The following AMZ1 variants were observed in gnomAD, a reference collection of about 807,000 sequenced individuals.
AMZ1 encodes archaelysin family metallopeptidase 1, also known as archaemetzincin-1.
AMZ1 carries 39 observed loss-of-function variants against 29.9 expected under a neutral mutation model. The ratio of observed to expected loss-of-function variants is 1.30; its 90% CI spans 1.01 to 1.70. The LOEUF (loss-of-function observed/expected upper bound fraction) is 1.70, where lower values mean the gene tolerates loss of function less well. Ranked by LOEUF, AMZ1 falls within the 40% of genes most tolerant of loss-of-function variation. The pLI, the probability that AMZ1 is intolerant of heterozygous loss-of-function variation, is 0.00. For synonymous variants in AMZ1, 458 were observed against 304.0 expected, an observed-to-expected ratio of 1.51 and a Z score of -5.27; for missense variants, 1,041 against 680.6, an observed-to-expected ratio of 1.53 and a Z score of -5.89.
At chr7:2,709,845 G>A (rs745726066) in intron 6 of AMZ1, 29 bp downstream of exon 6, 2 of 1,606,556 alleles carry the variant, frequency 1.2e-6, no homozygotes, top group African/African-American at 2.7e-5. Context: ...CTGCCCGGCT[G>A]CTGGGACCTG....
At chr7:2,739,910 T>C (rs914044659) in intron 4 of AMZ1, among the ~76,000 whole-genome samples, 3 of 152,186 alleles carry the variant, frequency 2.0e-5, no homozygotes, top group Non-Finnish European at 4.4e-5. Context: ...TGACCTCCAG[T>C]GATCCGCCCG....
chr7:2,709,273 G>A (rs770470084), intron 5 of AMZ1, 29 bp downstream of exon 5: 1 of 1,478,342 alleles, frequency 6.8e-7, no homozygotes, highest in Non-Finnish European at 8.9e-7. Flanking sequence ...GCTGGTAAGA[G>A]GGGACAGGAG....
At chr7:2,695,529 C>G (rs948306731) in intron 1 of AMZ1, among the ~76,000 whole-genome samples, 5 of 148,886 alleles carry the variant, frequency 3.4e-5, no homozygotes, top group African/African-American at 1.0e-4. Flanking sequence ...CCAGCCTGGG[C>G]AACATAGTGA....
intron 4 of AMZ1, among the ~76,000 whole-genome samples, chr7:2,736,668 C>G (rs1481670652): frequency 6.6e-6 from 1 of 152,238 alleles, no homozygotes; most frequent in African/African-American, 2.4e-5. Context: ...GACCGCCTTT[C>G]TGCAGAGGCC....
intron 1 of AMZ1, among the ~76,000 whole-genome samples, chr7:2,696,941 G>A (rs1787782826): frequency 6.6e-6 from 1 of 152,080 alleles, no homozygotes; most frequent in African/African-American, 2.4e-5. Flanking sequence ...AAACTGGTGT[G>A]ATCTTTCTGC....
intron 4 of AMZ1, among the ~76,000 whole-genome samples, chr7:2,753,087 C>G (rs1393940417): frequency 6.6e-6 from 1 of 152,104 alleles, no homozygotes; most frequent in Admixed American, 6.5e-5. Context: ...AGTCACTGAT[C>G]TGTTTTCTGT....
chr7:2,729,182 T>G (rs112502260), intron 4 of AMZ1: 2 of 152,482 alleles, frequency 1.3e-5, no homozygotes, highest in African/African-American at 2.4e-5. Flanking sequence ...CCGCTTGCAC[T>G]TCCTCTGGGC....
In AMZ1 at chr7:2,692,411, G is replaced by C. The variant is rs538527543; in HGVS notation, c.-219+4115G>C. On this transcript the variant is annotated intron_variant, in intron 1 of 6. Coordinates refer to ENST00000683327, the MANE Select transcript of AMZ1 (RefSeq NM_001384743.1). ...AAAAAAATTAGCCGGGTGTGGTGGC[G>C]GGCGCCTTTAGTCCCAGCTATTCGG... is the stretch of plus-strand genomic sequence containing the variant. 2.0e-5 allele frequency among the ~76,000 whole-genome samples: 3 copies of C among 152,262 alleles called. No homozygotes were observed. The South Asian group carries it at 6.2e-4, about 32-fold the overall frequency.
intron 4 of AMZ1, among the ~76,000 whole-genome samples, chr7:2,748,391 C>G (rs1196161592): frequency 3.9e-5 from 6 of 152,152 alleles, no homozygotes; most frequent in Admixed American, 6.6e-5. Flanking sequence ...ACAAACCTGA[C>G]AGAAACAAGC....
chr7:2,753,167 A>ATTT (rs1483291519), intron 4 of AMZ1, among the ~76,000 whole-genome samples: 112 of 150,624 alleles, frequency 7.4e-4, no homozygotes, highest in African/African-American at 2.7e-3. Flanking sequence ...TTTTTTTTTA[A>ATTT]AAAAAGAGAC....
At chr7:2,689,043 C>T (rs1318683469) in intron 1 of AMZ1, among the ~76,000 whole-genome samples, 1 of 152,232 alleles carries the variant, frequency 6.6e-6, no homozygotes, top group Non-Finnish European at 1.5e-5. Context: ...GCCACTACCC[C>T]TGCGGTCTAA....
At chr7:2,707,506 C>T (rs1463072502) in intron 3 of AMZ1, among the ~76,000 whole-genome samples, 3 of 151,968 alleles carry the variant, frequency 2.0e-5, no homozygotes, top group Non-Finnish European at 2.9e-5. Flanking sequence ...CCATCGTGCC[C>T]AGGTTCAGCC....
intron 1 of AMZ1, among the ~76,000 whole-genome samples, chr7:2,699,537 C>G (rs1044059691): frequency 7.9e-5 from 12 of 152,038 alleles, no homozygotes; most frequent in East Asian, 5.8e-4. Context: ...CCCCGCCCCC[C>G]CCCAAACATA....
At chr7:2,692,780 C>T (rs66620421) in intron 1 of AMZ1, among the ~76,000 whole-genome samples, 50,956 of 151,954 alleles carry the variant, frequency 0.34, 11,312 homozygotes, top group African/African-American at 0.63. Flanking sequence ...CCCACCTCAC[C>T]CAGAGCAAAG....
intron 1 of AMZ1, among the ~76,000 whole-genome samples, chr7:2,692,873 A>G (rs1583145583): frequency 1.3e-5 from 2 of 150,656 alleles, no homozygotes; most frequent in Non-Finnish European, 3.0e-5. Flanking sequence ...TCTTTCCCCC[A>G]ATTTGTTCCA....
intron 4 of AMZ1, among the ~76,000 whole-genome samples, chr7:2,727,853 A>G (rs954124129): frequency 6.6e-6 from 1 of 151,962 alleles, no homozygotes; most frequent in Non-Finnish European, 1.5e-5. Context: ...GTCAGGAGAT[A>G]GAGACCACCC....
chr7:2,696,073 C>G (rs1374337888), intron 1 of AMZ1, among the ~76,000 whole-genome samples: 4 of 151,068 alleles, frequency 2.6e-5, no homozygotes, highest in Admixed American at 2.6e-4. Flanking sequence ...TCTGTGTGTT[C>G]CAACCCCCCT....
chr7:2,724,894 T>A (rs1789558585), intron 4 of AMZ1, among the ~76,000 whole-genome samples: 1 of 152,020 alleles, frequency 6.6e-6, no homozygotes, highest in Non-Finnish European at 1.5e-5. Flanking sequence ...TGGGAGCGAT[T>A]CTCGTCCCCG....
chr7:2,759,908 G>A (rs7809463), upstream of AMZ1, among the ~76,000 whole-genome samples: 1,831 of 152,234 alleles, frequency 0.012, 41 homozygotes, highest in African/African-American at 0.042. Flanking sequence ...GAAAAGCTCC[G>A]CTCCCTGCTT....
Sources: gnomAD v4.1 joint callset for allele counts (sites outside exome capture counted in the v4.1 genomes callset) on GRCh38, gnomAD v4.1.1 for gene constraint, MANE v1.5 for transcripts, NCBI Gene and HGNC (gene_info 2026-07-23, HGNC 2026-07-21) for gene names.